The following ENPP6 variants were observed in gnomAD, a reference collection of about 807,000 sequenced individuals.
ENPP6 encodes the protein ectonucleotide pyrophosphatase/phosphodiesterase 6, also known as glycerophosphocholine cholinephosphodiesterase ENPP6.
In ENPP6, 32 loss-of-function variants were observed where a neutral mutation model predicts 42.0. That is an observed-to-expected ratio of 0.76 (90% CI 0.58 to 1.02). The LOEUF is 1.02. ENPP6 is among the 50% of genes least tolerant of loss of function. The pLI, the probability that ENPP6 is intolerant of heterozygous loss-of-function variation, is 0.00. For missense variants in ENPP6, 552 were observed against 566.8 expected, an observed-to-expected ratio of 0.97 and a Z score of 0.27; for synonymous variants, 213 against 216.0, an observed-to-expected ratio of 0.99 and a Z score of 0.12.
At chr4:184,197,487 G>A (rs996929970) in intron 1 of ENPP6, among the ~76,000 whole-genome samples, 2 of 152,222 alleles carry the variant, frequency 1.3e-5, no homozygotes, top group Non-Finnish European at 1.5e-5. Flanking sequence ...CTGGGCTTCC[G>A]TCCCTGATCA....
chr4:184,120,142 G>A (rs1736392987), intron 3 of ENPP6, among the ~76,000 whole-genome samples: 1 of 152,126 alleles, frequency 6.6e-6, no homozygotes. Flanking sequence ...CGCTTTTCCT[G>A]AGTATGTGGC....
chr4:184,101,643 G>C lies in ENPP6; in HGVS notation c.994-4275C>G, dbSNP rs189937020. Among the ~76,000 whole-genome samples the C allele has an allele frequency of 1.7e-3, 252 of 152,290 alleles. 1 individual carries two copies. Among genetic ancestry groups the C allele is most frequent in the African/African-American group, 5.7e-3 (236 of 41,556 alleles). ...CTGGTTTGCAGCTGAGAGGGTTTCAGGGATGCAAGGCTTTCAGTTTGAAAA... is the reference window on the plus strand; with the variant it reads ...CTGGTTTGCAGCTGAGAGGGTTTCACGGATGCAAGGCTTTCAGTTTGAAAA... On this transcript the variant is annotated intron_variant, in intron 6 of 7. Coordinates refer to ENST00000296741, the MANE Select transcript of ENPP6 (RefSeq NM_153343.4).
chr4:184,204,970 G>A (rs1238757454), intron 1 of ENPP6, among the ~76,000 whole-genome samples: 1 of 151,826 alleles, frequency 6.6e-6, no homozygotes, highest in Non-Finnish European at 1.5e-5. Flanking sequence ...CGCTCATGTT[G>A]CCCAGGCTGG....
chr4:184,203,238 G>A lies in ENPP6; in HGVS notation c.241+14341C>T, dbSNP rs138032633. On this transcript the variant is annotated intron_variant, in intron 1 of 7. Transcript: ENST00000296741. ...TGCACTCCAGCCTGGATGATAGGAC[G>A]AGACTCTGTCTCTAAAACAAAACAA... Among the ~76,000 whole-genome samples, 187 of 152,326 alleles carry A rather than the reference G, an allele frequency of 1.2e-3. 1 individual carries two copies. Among genetic ancestry groups the A allele is most frequent in the Non-Finnish European group, 2.2e-3 (149 of 68,030 alleles).
chr4:184,105,228 G>A (rs751113674), intron 6 of ENPP6, among the ~76,000 whole-genome samples: 23 of 152,240 alleles, frequency 1.5e-4, no homozygotes, highest in Non-Finnish European at 3.2e-4. Context: ...AAGGGGTTGG[G>A]GTAAGGAAGA....
At chr4:184,188,622 G>T (rs992889670) in intron 1 of ENPP6, among the ~76,000 whole-genome samples, 2 of 152,158 alleles carry the variant, frequency 1.3e-5, no homozygotes, top group African/African-American at 4.8e-5. Flanking sequence ...CAGAAGCCAC[G>T]TGGGGAGACG....
At chr4:184,159,875 T>C (rs997612010) in intron 1 of ENPP6, among the ~76,000 whole-genome samples, 7 of 152,210 alleles carry the variant, frequency 4.6e-5, no homozygotes, top group African/African-American at 1.7e-4. Flanking sequence ...ATAGCTTAGC[T>C]CCCACTTATA....
At chr4:184,132,395 G>T (rs1423991666) in intron 2 of ENPP6, among the ~76,000 whole-genome samples, 2 of 89,390 alleles carry the variant, frequency 2.2e-5, no homozygotes, top group African/African-American at 7.1e-5. Flanking sequence ...CTATTGAGTT[G>T]ACTTTTTCCT....
At chr4:184,166,845 T>G (rs1737357446) in intron 1 of ENPP6, among the ~76,000 whole-genome samples, 1 of 152,222 alleles carries the variant, frequency 6.6e-6, no homozygotes, top group Non-Finnish European at 1.5e-5. Context: ...TCCCACCCAC[T>G]GTGCTCCCTC....
In ENPP6 at chr4:184,112,687, GC is replaced by G; in HGVS notation, c.977del (p.Gly326AlafsTer4). ...TCATAATTACCTCAGTTATGAACCA[GC>G]CTTCATCAGCCACTAAAGTCAAAGG... The part of the protein sequence containing the change: ...VSPLTLVADE[G>X]WFITENREML... On this transcript the variant is annotated frameshift_variant, in exon 6 of 8. Transcript: ENST00000296741. LOFTEE classifies it high-confidence loss of function. 1 of 1,613,986 alleles carries G rather than the reference GC, an allele frequency of 6.2e-7. No individual in the cohort carries two copies. Among genetic ancestry groups the G allele is most frequent in the Non-Finnish European group, 8.5e-7 (1 of 1,179,996 alleles).
At chr4:184,205,857 C>A (rs929677679) in intron 1 of ENPP6, among the ~76,000 whole-genome samples, 1 of 151,982 alleles carries the variant, frequency 6.6e-6, no homozygotes, top group Non-Finnish European at 1.5e-5. Context: ...TCAGGAGGAA[C>A]CAAGGGAAAG....
chr4:184,123,972 G>C (rs1472910353), intron 3 of ENPP6, among the ~76,000 whole-genome samples, 189 bp downstream of exon 3: 1 of 152,198 alleles, frequency 6.6e-6, no homozygotes, highest in Non-Finnish European at 1.5e-5. Flanking sequence ...CATTTCCAGA[G>C]ATTGCCCCTG....
intron 1 of ENPP6, among the ~76,000 whole-genome samples, chr4:184,212,241 C>A (rs1733124229): frequency 6.6e-6 from 1 of 151,506 alleles, no homozygotes; most frequent in South Asian, 2.1e-4. Context: ...CTGGCCAGGG[C>A]AATTAGGCAG....
At chr4:184,211,856 C>T (rs1488547182) in intron 1 of ENPP6, among the ~76,000 whole-genome samples, 2 of 151,084 alleles carry the variant, frequency 1.3e-5, no homozygotes, top group African/African-American at 2.4e-5. Context: ...ACTGGCAAAA[C>T]GAATCCAGCA....
chr4:184,200,397 C>T (rs755593509), intron 1 of ENPP6, among the ~76,000 whole-genome samples: 5 of 152,150 alleles, frequency 3.3e-5, no homozygotes, highest in African/African-American at 4.8e-5. Flanking sequence ...ATCTGTGGTG[C>T]GTGGAGGCCT....
chr4:184,149,831 T>G (rs1174171108), intron 2 of ENPP6, among the ~76,000 whole-genome samples: 1 of 152,170 alleles, frequency 6.6e-6, no homozygotes, highest in Non-Finnish European at 1.5e-5. Flanking sequence ...TCCAAAGAAA[T>G]CAAGCTGCAT....
chr4:184,122,990 C>T (rs989816201), intron 3 of ENPP6, among the ~76,000 whole-genome samples: 9 of 152,200 alleles, frequency 5.9e-5, no homozygotes, highest in African/African-American at 1.4e-4. Flanking sequence ...CCAGCACTCA[C>T]GGGCAATTAT....
chr4:184,203,356 G>A (rs80179690), intron 1 of ENPP6, among the ~76,000 whole-genome samples: 7 of 152,312 alleles, frequency 4.6e-5, no homozygotes, highest in South Asian at 2.1e-4. Context: ...AGCTAAATCC[G>A]TAACTTTCTC....
rs1736331751 is a variant in ENPP6, at chr4:184,117,050, AAG to A, written c.676-17_676-16del. Reference sequence around the variant, plus strand: ...AGGCCCCGCTCCTGTGGGGTGGGAAAAGACAGTCATTACGGCACCAACAGAGA... The same window carrying A: ...AGGCCCCGCTCCTGTGGGGTGGGAAAACAGTCATTACGGCACCAACAGAGA... On this transcript the variant is annotated splice_polypyrimidine_tract_variant and intron_variant, in intron 4 of 7. Coordinates refer to ENST00000296741, the MANE Select transcript of ENPP6 (RefSeq NM_153343.4). 6.2e-7 allele frequency: 1 copy of A among 1,613,988 alleles called. No homozygotes were observed. The highest frequency in any genetic ancestry group is 8.5e-7 in the Non-Finnish European group (1 of 1,179,974).
Sources: gnomAD v4.1 joint callset for allele counts (sites outside exome capture counted in the v4.1 genomes callset) on GRCh38, gnomAD v4.1.1 for gene constraint, MANE v1.5 for transcripts, NCBI Gene and HGNC (gene_info 2026-07-23, HGNC 2026-07-21) for gene names.